The following ZNF678 variants were observed in gnomAD, a reference collection of about 807,000 sequenced individuals.
The protein encoded by ZNF678 is hypothetical protein MGC42493.
Under a neutral mutation model 3.0 loss-of-function variants are expected in ZNF678, and 5 were observed. The ratio of observed to expected loss-of-function variants is 1.69; its 90% confidence interval spans 0.88 to 3.56. ZNF678 has a LOEUF of 3.56. ZNF678 is among the 30% of genes most tolerant of loss of function. The pLI is 0.00. For missense variants in ZNF678, 593 were observed against 605.0 expected, an observed-to-expected ratio of 0.98 and a Z score of 0.21; for synonymous variants, 218 against 199.6, an observed-to-expected ratio of 1.09 and a Z score of -0.78.
chr1:227,607,806 A>G (rs1204668933), intron 1 of ZNF678, among the ~76,000 whole-genome samples: 1 of 147,212 alleles, frequency 6.8e-6, no homozygotes, highest in Non-Finnish European at 1.5e-5. Context: ...TATATTATTT[A>G]GTTATATATT....
At chr1:227,567,195 C>T (rs1056925002) in intron 1 of ZNF678, among the ~76,000 whole-genome samples, 10 of 152,126 alleles carry the variant, frequency 6.6e-5, no homozygotes, top group Non-Finnish European at 8.8e-5. Flanking sequence ...ATTTAATTGA[C>T]GTTTTTGTTA....
At chr1:227,566,615 G>C (rs1484887512) in intron 1 of ZNF678, among the ~76,000 whole-genome samples, 1 of 152,130 alleles carries the variant, frequency 6.6e-6, no homozygotes, top group Non-Finnish European at 1.5e-5. Flanking sequence ...TGTGTTCCAG[G>C]TAGTACTGCT....
At chr1:227,633,207 C>T (rs889680941) in intron 1 of ZNF678, among the ~76,000 whole-genome samples, 12 of 152,268 alleles carry the variant, frequency 7.9e-5, no homozygotes, top group African/African-American at 1.2e-4. Flanking sequence ...CAGCTCAAGT[C>T]GGAACAAACA....
chr1:227,599,174 G>T (rs186360468), intron 1 of ZNF678: 2 of 1,188,824 alleles, frequency 1.7e-6, no homozygotes, highest in African/African-American at 1.5e-5. Context: ...TCATTTTCTT[G>T]TTCAAATAAC....
intron 1 of ZNF678, among the ~76,000 whole-genome samples, chr1:227,623,379 A>G (rs540666264): frequency 1.3e-5 from 2 of 152,344 alleles, no homozygotes; most frequent in East Asian, 3.9e-4. Context: ...CAGTTACCTC[A>G]TCTGTGACAT....
intron 1 of ZNF678, among the ~76,000 whole-genome samples, chr1:227,626,264 T>C (rs1658412691): frequency 6.6e-6 from 1 of 152,148 alleles, no homozygotes; most frequent in Non-Finnish European, 1.5e-5. Flanking sequence ...GAATAACTAG[T>C]GTTGTCTCCT....
chr1:227,598,771 T>G, intron 1 of ZNF678: 3 of 533,842 alleles, frequency 5.6e-6, no homozygotes, highest in South Asian at 5.2e-5. Context: ...TTTTTCTTTC[T>G]CTGTTTTCCT....
intron 1 of ZNF678, among the ~76,000 whole-genome samples, chr1:227,567,237 T>G (rs148628087): frequency 5.8e-4 from 89 of 152,350 alleles, no homozygotes; most frequent in African/African-American, 1.8e-3. Flanking sequence ...TGCCTTTCCT[T>G]TTGAAATATA....
At chr1:227,574,711 G>A (rs1041020639) in intron 1 of ZNF678, among the ~76,000 whole-genome samples, 5 of 152,132 alleles carry the variant, frequency 3.3e-5, no homozygotes, top group Admixed American at 6.5e-5. Context: ...TGCTTTTGGC[G>A]CCTTTGTCAT....
intron 1 of ZNF678, among the ~76,000 whole-genome samples, chr1:227,592,155 G>A (rs917294234): frequency 6.6e-6 from 1 of 152,208 alleles, no homozygotes; most frequent in Non-Finnish European, 1.5e-5. Context: ...CGGGAGCAAG[G>A]TGGCGGGGTT....
At chr1:227,639,047 C>G (rs1658750844) in intron 1 of ZNF678, among the ~76,000 whole-genome samples, 1 of 152,172 alleles carries the variant, frequency 6.6e-6, no homozygotes. Flanking sequence ...CCAATGAGAT[C>G]CAAGTATGAG....
At chr1:227,606,565 C>T (rs2102755459) in intron 1 of ZNF678, among the ~76,000 whole-genome samples, 1 of 152,280 alleles carries the variant, frequency 6.6e-6, no homozygotes, top group East Asian at 1.9e-4. Flanking sequence ...CGCAAAGAGG[C>T]CTTCCTCTTT....
In ZNF678 at chr1:227,638,205, G is replaced by C. The variant is rs1203260347; in HGVS notation, c.-163-8339G>C. On this transcript the variant is annotated intron_variant, in intron 1 of 3. Coordinates refer to ENST00000343776, the MANE Select transcript of ZNF678 (RefSeq NM_001367909.1). This position sits in a 1 kb window ranked among gnomAD's most constrained non-coding sequence, Gnocchi z 4.2. ...AAAGGCAAAGAGGTTTGGGGAATTA[G>C]AGTGTAAAGGAATTGTGAAAAAAAG... is the stretch of plus-strand genomic sequence containing the variant. Among the ~76,000 whole-genome samples, 1 of 152,188 alleles carries C rather than the reference G, an allele frequency of 6.6e-6. No individual in the cohort carries two copies. The highest frequency in any genetic ancestry group is 1.9e-4 in the East Asian group (1 of 5,200).
At chr1:227,651,280 A>G (rs1659086863) in intron 3 of ZNF678, among the ~76,000 whole-genome samples, 2 of 152,014 alleles carry the variant, frequency 1.3e-5, no homozygotes. Context: ...ACTTTGATCT[A>G]TAGGGCAGAC....
At chr1:227,627,636 G>A in intron 1 of ZNF678, among the ~76,000 whole-genome samples, 1 of 152,142 alleles carries the variant, frequency 6.6e-6, no homozygotes, top group East Asian at 1.9e-4. Flanking sequence ...TGCTGCATGG[G>A]CATGGAGGAC....
At chr1:227,570,600 A>T (rs1274804831) in intron 1 of ZNF678, among the ~76,000 whole-genome samples, 1 of 151,896 alleles carries the variant, frequency 6.6e-6, no homozygotes, top group Non-Finnish European at 1.5e-5. Context: ...TTCTGAATGG[A>T]GGGGATTACT....
chr1:227,583,772 G>A (rs969501724), intron 1 of ZNF678, among the ~76,000 whole-genome samples: 2 of 152,062 alleles, frequency 1.3e-5, no homozygotes, highest in African/African-American at 4.8e-5. Context: ...GCAAAGTTTT[G>A]CCAAGTAGAG....
chr1:227,577,091 T>C (rs1053739663), intron 1 of ZNF678, among the ~76,000 whole-genome samples: 4 of 152,342 alleles, frequency 2.6e-5, no homozygotes, highest in African/African-American at 9.6e-5. Context: ...AGTTTGATTG[T>C]GTTGTGGTCT....
intron 1 of ZNF678, among the ~76,000 whole-genome samples, chr1:227,609,968 C>T (rs1033979474): frequency 7.2e-5 from 11 of 152,106 alleles, no homozygotes; most frequent in African/African-American, 2.4e-4. Context: ...TTCCTGACCT[C>T]GTGATCTGCC....
Sources: allele counts gnomAD v4.1 joint callset (sites outside exome capture counted in the v4.1 genomes callset), GRCh38; gene constraint gnomAD v4.1.1; non-coding constraint Gnocchi (gnomAD v3.1); transcripts MANE v1.5; gene names NCBI Gene and HGNC (gene_info 2026-07-23, HGNC 2026-07-21).